The following MTMR10 variants were observed in gnomAD, a reference collection of about 807,000 sequenced individuals.
MTMR10 encodes the protein myotubularin-related protein 10.
MTMR10 carries 56 observed loss-of-function variants against 88.1 expected under a neutral mutation model. That is an observed-to-expected ratio of 0.64 (90% CI 0.51 to 0.79). The LOEUF (loss-of-function observed/expected upper bound fraction) is 0.79. Among genes scored for constraint, MTMR10 ranks in the 30% least tolerant of loss-of-function variants. The pLI is 0.00. For missense variants in MTMR10, 883 were observed against 924.7 expected, an observed-to-expected ratio of 0.95 and a Z score of 0.58; for synonymous variants, 380 against 340.9, an observed-to-expected ratio of 1.11 and a Z score of -1.26.
At chr15:30,964,918 A>T (rs1174759409) in intron 6 of MTMR10, among the ~76,000 whole-genome samples, 1 of 152,264 alleles carries the variant, frequency 6.6e-6, no homozygotes, top group African/African-American at 2.4e-5. Flanking sequence ...AGCAACAGAA[A>T]ATACAAGTCA....
intron 2 of MTMR10, among the ~76,000 whole-genome samples, chr15:30,987,971 TG>T (rs1241688378): frequency 6.6e-6 from 1 of 151,736 alleles, no homozygotes; most frequent in African/African-American, 2.4e-5. Context: ...ACAGGTGATG[TG>T]GCCAGGTTTT....
At chr15:30,932,221 CAA>C in the MTMR10 span, among the ~76,000 whole-genome samples, 59 of 49,494 alleles carry the variant, frequency 1.2e-3, 1 homozygote, top group Middle Eastern at 8.9e-3. Context: ...GACTCCATCT[CAA>C]AAAAAAAAAA....
chr15:30,960,281 GC>G (rs56202469), intron 7 of MTMR10, among the ~76,000 whole-genome samples: 152,330 of 152,330 alleles, frequency 1, 76,165 homozygotes, highest in Non-Finnish European at 1. Context: ...GAGAGACACA[GC>G]CCAGCCAGCC....
rs117828010 is a variant in MTMR10, at chr15:30,982,181, A to T, written c.122-5226T>A. On this transcript the variant is annotated intron_variant, in intron 2 of 15. Coordinates refer to ENST00000435680, the MANE Select transcript of MTMR10 (RefSeq NM_017762.3). ...AAAGCTGTCACAGACTGAGACATTG[A>T]GAATAAGGAGACACGACAACTAAAT... Among the ~76,000 whole-genome samples the T allele has an allele frequency of 1.8e-3, 277 of 152,324 alleles. 4 individuals carry two copies. In the East Asian group the frequency reaches 0.048, roughly 27 times the overall value.
intron 2 of MTMR10, among the ~76,000 whole-genome samples, chr15:30,988,981 C>T (rs2031131141): frequency 8.3e-6 from 1 of 119,894 alleles, no homozygotes; most frequent in Non-Finnish European, 1.6e-5. Flanking sequence ...GAGTGAGACT[C>T]TGTCTCAAAA....
rs773849643 is a variant in MTMR10 at position 30,947,191 on chromosome 15, C to T, written c.1487G>A (p.Arg496Gln). 64 of 1,613,920 alleles carry T rather than the reference C, an allele frequency of 4.0e-5. 1 individual carries two copies. Among genetic ancestry groups the T allele is most frequent in the East Asian group, 3.1e-4 (14 of 44,880 alleles). Residue 496 changes from arginine (R) to glutamine (Q), a missense_variant, in exon 14 of 16, where the codon CGG becomes CAG. Arg to Gln is a conservative substitution (Grantham distance 43). Coordinates refer to ENST00000435680, the MANE Select transcript of MTMR10 (RefSeq NM_017762.3). ...CAGGAAGGTGCCAAACAGTGAGATC[C>T]GGGTGCTGTCATACAACACTGCCAG... ...TYLAVLYDSTRISLFGTFLFN... is the reference protein window; with the variant it reads ...TYLAVLYDSTQISLFGTFLFN...
At chr15:30,952,110 A>C in intron 11 of MTMR10, 72 bp from the exon 12 acceptor site, 1 of 1,256,406 alleles carries the variant, frequency 8.0e-7, no homozygotes, top group Non-Finnish European at 1.1e-6. Flanking sequence ...ACTTGAAATC[A>C]AGCAAATCTA....
Position 30,974,975 on chromosome 15 carries a change from C to T in MTMR10, c.287G>A (p.Gly96Asp). ...QKFHYRNLLL[G>D]EHDVPLTCIE... Reference sequence around the variant, plus strand: ...ACATGTTAAAGGGACATCGTGTTCACCAAGAAGAAGGTTTCTGTAATGGAA... The same window carrying T: ...ACATGTTAAAGGGACATCGTGTTCATCAAGAAGAAGGTTTCTGTAATGGAA... Residue 96 changes from glycine to aspartate, a missense_variant, in exon 4 of 16, where the codon GGT becomes GAT. This residue lies in a region of MTMR10 where 414 missense variants were observed against 423.2 expected (regional missense o/e 0.98). Transcript: ENST00000435680. 1 of 1,576,312 alleles carries T rather than the reference C, an allele frequency of 6.3e-7. No individual in the cohort carries two copies. Among genetic ancestry groups the T allele is most frequent in the African/African-American group, 1.3e-5 (1 of 74,312 alleles).
At chr15:30,976,769 C>G in intron 3 of MTMR10, 50 bp downstream of exon 3, 1 of 1,573,314 alleles carries the variant, frequency 6.4e-7, no homozygotes, top group South Asian at 1.2e-5. Flanking sequence ...ATATGTACCA[C>G]TTAGAGTTGA....
chr15:30,924,851 C>T, the MTMR10 span, among the ~76,000 whole-genome samples: 1 of 152,154 alleles, frequency 6.6e-6, no homozygotes, highest in African/African-American at 2.4e-5. Flanking sequence ...GAGGTTCACA[C>T]CCTTTGTGAG....
At chr15:30,969,422 A>G (rs2141039059) in intron 5 of MTMR10, among the ~76,000 whole-genome samples, 1 of 152,268 alleles carries the variant, frequency 6.6e-6, no homozygotes, top group Middle Eastern at 3.4e-3. Flanking sequence ...CATTTCTAGC[A>G]GCAAAACTAC....
the MTMR10 span, chr15:30,929,418 C>G: frequency 2.5e-6 from 4 of 1,574,144 alleles, no homozygotes; most frequent in Non-Finnish European, 3.5e-6. Flanking sequence ...ACCTGCATGG[C>G]AGGATTTGCT....
At chr15:30,923,923 G>A in the MTMR10 span, among the ~76,000 whole-genome samples, 1 of 152,082 alleles carries the variant, frequency 6.6e-6, no homozygotes, top group Non-Finnish European at 1.5e-5. Flanking sequence ...GGTACTCATA[G>A]TGTTGTGTGA....
chr15:30,928,120 G>A, the MTMR10 span: 1 of 1,004,544 alleles, frequency 1.0e-6, no homozygotes, highest in Non-Finnish European at 1.2e-6. Context: ...TCCCCTTAGG[G>A]AAGCATTTCT....
In MTMR10 at chr15:30,941,818, G is replaced by C; in HGVS notation, c.1986C>G (p.Phe662Leu). ...TGATCTGGGCCTCGGGAACCCAGCGGAAGTAGCACAGTTTCCACAGTTTTA... is the reference window on the plus strand; with the variant it reads ...TGATCTGGGCCTCGGGAACCCAGCGCAAGTAGCACAGTTTCCACAGTTTTA... ...THIKLWKLCY[F>L]RWVPEAQISL... The change falls in exon 16 of 16, where the codon TTC becomes TTG. Residue 662 changes from phenylalanine to leucine, a missense_variant. Transcript: ENST00000435680. 3.1e-6 allele frequency: 5 copies of C among 1,614,038 alleles called. No homozygotes were observed. The highest frequency in any genetic ancestry group is 4.2e-6 in the Non-Finnish European group (5 of 1,179,902).
At position 30,953,611 on chromosome 15, in the gene MTMR10, CTT is replaced by C; in HGVS notation, c.1085_1086del (p.Glu362GlyfsTer21). ...LCVNEPFEET[E>X]EKWLSSLENT... ...TTTTCCAGTGAAGATAACCATTTCT[CTT>C]CAGTTTCTTCAAAAGGCTCTGTAAT... On this transcript the variant is annotated frameshift_variant, in exon 11 of 16. Transcript: ENST00000435680. LOFTEE classifies it high-confidence loss of function. 1.3e-6 allele frequency: 2 copies of C among 1,543,766 alleles called. No homozygotes were observed. Among genetic ancestry groups the C allele is most frequent in the Non-Finnish European group, 1.8e-6 (2 of 1,139,590 alleles).
chr15:30,921,151 T>TA, the MTMR10 span, among the ~76,000 whole-genome samples: 1 of 152,110 alleles, frequency 6.6e-6, no homozygotes, highest in African/African-American at 2.4e-5. Flanking sequence ...CTTGGATTAG[T>TA]AGAGAGAAGA....
intron 6 of MTMR10, chr15:30,966,100 A>G (rs940589422): frequency 4.4e-6 from 2 of 451,526 alleles, no homozygotes; most frequent in Non-Finnish European, 8.9e-6. Flanking sequence ...TAACAAAACT[A>G]TGGCCAGTGT....
At chr15:30,972,328 A>C (rs1399285780) in intron 5 of MTMR10, among the ~76,000 whole-genome samples, 1 of 152,124 alleles carries the variant, frequency 6.6e-6, no homozygotes, top group Non-Finnish European at 1.5e-5. Context: ...GAAATGCGTA[A>C]ATCCCAAAAA....
Sources: allele counts gnomAD v4.1 joint callset (sites outside exome capture counted in the v4.1 genomes callset), GRCh38; gene constraint gnomAD v4.1.1; regional missense constraint gnomAD v4.1.1; transcripts MANE v1.5; gene names NCBI Gene and HGNC (gene_info 2026-07-23, HGNC 2026-07-21).